EPHA6: variants seen among roughly 807,000 people sequenced by gnomAD.
EPHA6 encodes the protein ephrin type-A receptor 6.
A neutral mutation model predicts 112.0 loss-of-function variants in EPHA6; 50 were observed. The observed-to-expected ratio is 0.45, with a 90% CI of 0.36 to 0.56. The LOEUF (loss-of-function observed/expected upper bound fraction) is 0.56. Ranked by LOEUF, EPHA6 falls within the 20% of genes least tolerant of loss-of-function variation. The pLI is 0.00. For synonymous variants in EPHA6, 529 were observed against 490.7 expected (o/e 1.08, Z -1.03); for missense variants, 1,280 against 1,417.4 (o/e 0.90, Z 1.56).
chr3:97,741,362 G>A (rs982412993), intron 16 of EPHA6, among the ~76,000 whole-genome samples: 10 of 151,776 alleles, frequency 6.6e-5, no homozygotes, highest in African/African-American at 2.4e-4. Context: ...CTAAAAAAAA[G>A]AGAAAAGAAA....
In EPHA6 at chr3:96,866,805, T is replaced by C; in HGVS notation, c.386-20T>C. On this transcript the variant is annotated intron_variant, in intron 1 of 17. Transcript: ENST00000389672. Reference sequence around the variant, plus strand: ...TTAGTTGAGAAATTCATGGAATTTTTATTTTCTATTTAATTCCAGTTGTGT... The same window carrying C: ...TTAGTTGAGAAATTCATGGAATTTTCATTTTCTATTTAATTCCAGTTGTGT... 1 of 1,401,532 alleles carries C rather than the reference T, an allele frequency of 7.1e-7. No individual in the cohort carries two copies. The highest frequency in any genetic ancestry group is 9.4e-7 in the Non-Finnish European group (1 of 1,062,044). The allele number at this position is 1,401,532 out of a possible 1,614,324, so 86.8% of individuals were successfully genotyped here.
In EPHA6 at chr3:97,244,117, G is replaced by T; in HGVS notation, c.1436G>T (p.Gly479Val). ...DTSQCEDCGG[G>V]LRFIPRHTGL... ...AGCCAGTGTGAGGACTGTGGTGGAG[G>T]ACTCCGCTTCATCCCAAGACATACA... is the stretch of plus-strand genomic sequence containing the variant. Residue 479 changes from glycine to valine, a missense_variant, in exon 5 of 18, where the codon GGA becomes GTA. Coordinates refer to ENST00000389672, the MANE Select transcript of EPHA6 (RefSeq NM_001080448.3). 6.2e-7 allele frequency: 1 copy of T among 1,613,026 alleles called. No individual in the cohort carries two copies. Among genetic ancestry groups the T allele is most frequent in the African/African-American group, 1.3e-5 (1 of 74,978 alleles).
chr3:97,719,764 G>A (rs1277675486), intron 14 of EPHA6, among the ~76,000 whole-genome samples: 1 of 152,168 alleles, frequency 6.6e-6, no homozygotes, highest in Non-Finnish European at 1.5e-5. Flanking sequence ...AATCATAGCA[G>A]ATGTAAAGCA....
intron 5 of EPHA6, among the ~76,000 whole-genome samples, chr3:97,253,678 G>T (rs1323622453): frequency 6.6e-6 from 1 of 151,882 alleles, no homozygotes; most frequent in Non-Finnish European, 1.5e-5. Flanking sequence ...GCTTTATGTT[G>T]TTTTTCATTT....
At chr3:97,264,423 T>A (rs911442830) in intron 5 of EPHA6, among the ~76,000 whole-genome samples, 3 of 152,242 alleles carry the variant, frequency 2.0e-5, no homozygotes, top group African/African-American at 7.2e-5. Flanking sequence ...CTGTACCAGG[T>A]GCACTGCATG....
intron 3 of EPHA6, among the ~76,000 whole-genome samples, chr3:97,217,602 T>C (rs1308496398): frequency 1.3e-5 from 2 of 152,212 alleles, no homozygotes; most frequent in Non-Finnish European, 2.9e-5. Flanking sequence ...AGAAAACTTC[T>C]GGGATTGACA....
chr3:97,041,225 CTT>C (rs34080331), intron 3 of EPHA6, among the ~76,000 whole-genome samples: 1 of 152,022 alleles, frequency 6.6e-6, no homozygotes, highest in Admixed American at 6.6e-5. Flanking sequence ...ACAGATACAC[CTT>C]TTTTTAGAGC....
chr3:97,102,407 T>C (rs1486533811), intron 3 of EPHA6, among the ~76,000 whole-genome samples: 2 of 152,056 alleles, frequency 1.3e-5, no homozygotes, highest in Non-Finnish European at 2.9e-5. Flanking sequence ...TTTTAACCCA[T>C]TAAATGTGGG....
At chr3:97,412,713 A>G (rs1341302641) in intron 6 of EPHA6, among the ~76,000 whole-genome samples, 1 of 152,088 alleles carries the variant, frequency 6.6e-6, no homozygotes, top group Non-Finnish European at 1.5e-5. Flanking sequence ...TTCCTCAGCA[A>G]TCTGGAAATC....
In EPHA6 at chr3:97,477,387, A is replaced by T. The variant is rs188859049; in HGVS notation, c.2004-1907A>T. ...TACTATTTTGGACTCTGGCAAAGAG[A>T]GGGATTACAAGACAGTTATGGTTAG... is the stretch of plus-strand genomic sequence containing the variant. On this transcript the variant is annotated intron_variant, in intron 8 of 17. Coordinates refer to ENST00000389672, the MANE Select transcript of EPHA6 (RefSeq NM_001080448.3). 1.9e-3 allele frequency among the ~76,000 whole-genome samples: 269 copies of T among 144,848 alleles called. 2 individuals carry two copies. Among genetic ancestry groups the T allele is most frequent in the African/African-American group, 6.5e-3 (262 of 40,258 alleles).
chr3:97,104,296 T>C (rs1324470651), intron 3 of EPHA6, among the ~76,000 whole-genome samples: 3 of 152,142 alleles, frequency 2.0e-5, no homozygotes, highest in Admixed American at 1.3e-4. Context: ...CATAGAAGGC[T>C]CTTACTATTT....
chr3:97,184,248 C>T (rs1319173902), intron 3 of EPHA6, among the ~76,000 whole-genome samples: 2 of 152,104 alleles, frequency 1.3e-5, no homozygotes, highest in African/African-American at 4.8e-5. Flanking sequence ...TTACATTCTG[C>T]ATCCTGGAAG....
At position 97,748,630 on chromosome 3, in the gene EPHA6, CG is replaced by C. The variant is rs1194726156; in HGVS notation, c.3323del (p.Arg1108GlnfsTer2). 6.2e-7 allele frequency: 1 copy of C among 1,612,000 alleles called. No individual in the cohort carries two copies. The highest frequency in any genetic ancestry group is 8.5e-7 in the Non-Finnish European group (1 of 1,178,528). ...IGVILIGHQRRIVSSIQTLRL... is the reference protein window; with the variant it reads ...IGVILIGHQRXIVSSIQTLRL... ...AGTCATACTTATTGGACACCAGAGACGAATAGTCAGCAGCATACAGACTTTA... is the reference window on the plus strand; with the variant it reads ...AGTCATACTTATTGGACACCAGAGACAATAGTCAGCAGCATACAGACTTTA... On this transcript the variant is annotated frameshift_variant, in exon 18 of 18. Transcript: ENST00000389672. LOFTEE classifies it high-confidence loss of function.
chr3:97,710,431 G>C (rs2033906775), intron 14 of EPHA6, among the ~76,000 whole-genome samples: 1 of 152,202 alleles, frequency 6.6e-6, no homozygotes. Flanking sequence ...TATGTTCCAA[G>C]CACTGTGGAT....
intron 10 of EPHA6, among the ~76,000 whole-genome samples, chr3:97,502,727 G>A (rs1225638464): frequency 2.0e-5 from 3 of 150,772 alleles, no homozygotes; most frequent in South Asian, 2.1e-4. Flanking sequence ...CCAGCCACTT[G>A]GGAGGCTGAG....
At chr3:97,229,207 G>T (rs2078449953) in intron 4 of EPHA6, among the ~76,000 whole-genome samples, 2 of 152,062 alleles carry the variant, frequency 1.3e-5, no homozygotes, top group African/African-American at 4.8e-5. Context: ...CTGTGTGAAA[G>T]CTTTTTAGTT....
chr3:97,187,180 T>A (rs1255539571), intron 3 of EPHA6, among the ~76,000 whole-genome samples: 1 of 152,134 alleles, frequency 6.6e-6, no homozygotes, highest in Admixed American at 6.6e-5. Flanking sequence ...ATTCTGTACA[T>A]ACAGATTTAA....
intron 14 of EPHA6, among the ~76,000 whole-genome samples, chr3:97,718,717 G>A (rs1478617669): frequency 1.3e-5 from 2 of 152,046 alleles, no homozygotes; most frequent in African/African-American, 4.8e-5. Context: ...TCTTAATTTG[G>A]TGCTGCCTTT....
At chr3:97,232,477 T>C (rs1370077768) in intron 4 of EPHA6, among the ~76,000 whole-genome samples, 3 of 152,162 alleles carry the variant, frequency 2.0e-5, no homozygotes, top group African/African-American at 4.8e-5. Context: ...GATAATAATA[T>C]ACTGAATGCC....
Sources: allele counts gnomAD v4.1 joint callset (sites outside exome capture counted in the v4.1 genomes callset), GRCh38; gene constraint gnomAD v4.1.1; transcripts MANE v1.5; gene names NCBI Gene and HGNC (gene_info 2026-07-23, HGNC 2026-07-21).